The following NKTR variants were observed in gnomAD, a reference collection of about 807,000 sequenced individuals.
The protein encoded by NKTR is natural killer cell triggering receptor, also known as NK-tumor recognition protein.
NKTR carries 67 observed loss-of-function variants against 156.3 expected under a neutral mutation model. That is an observed-to-expected ratio of 0.43 (90% CI 0.35 to 0.53). NKTR has a LOEUF of 0.53. Ranked by LOEUF, NKTR falls within the 20% of genes least tolerant of loss-of-function variation. NKTR has a pLI of 0.01. For missense variants in NKTR, 1,604 were observed against 1,730.9 expected (o/e 0.93, Z 1.30); for synonymous variants, 640 against 596.6 (o/e 1.07, Z -1.06).
At chr3:42,601,282 C>A in intron 2 of NKTR, 3 of 408,602 alleles carry the variant, frequency 7.3e-6, no homozygotes, top group Non-Finnish European at 1.3e-5. Flanking sequence ...CCCCACACAC[C>A]CCGCTGCATC....
chr3:42,623,760 T>A (rs1335495367), intron 6 of NKTR: 2 of 152,158 alleles, frequency 1.3e-5, no homozygotes, highest in Non-Finnish European at 2.9e-5. Context: ...CTCCTGCCTT[T>A]TACCTTGTTA....
In NKTR at chr3:42,637,687, A is replaced by G; in HGVS notation, c.1983A>G (p.Ser661=). The G allele has an allele frequency of 6.2e-7, 1 of 1,614,046 alleles. No homozygotes were observed. The highest frequency in any genetic ancestry group is 8.5e-7 in the Non-Finnish European group (1 of 1,179,964). The part of the protein sequence containing the change: ...SLANIKETGS[S]SSYHKREKNS... ...CAAATATTAAAGAGACTGGTAGCTCATCATCCTACCATAAAAGAGAAAAAA... is the reference window on the plus strand; with the variant it reads ...CAAATATTAAAGAGACTGGTAGCTCGTCATCCTACCATAAAAGAGAAAAAA... The change falls in exon 13 of 17, where the codon TCA becomes TCG. Residue 661 remains serine, a synonymous_variant. Transcript: ENST00000232978.
chr3:42,619,411 C>A, intron 4 of NKTR: 1 of 1,271,178 alleles, frequency 7.9e-7, no homozygotes, highest in Non-Finnish European at 1.0e-6. Context: ...TGCTTTTGTT[C>A]TGGAATGTTT....
chr3:42,644,492 TTA>T (rs1710191746), intron 16 of NKTR, among the ~76,000 whole-genome samples: 1 of 152,232 alleles, frequency 6.6e-6, no homozygotes, highest in Non-Finnish European at 1.5e-5. Flanking sequence ...GCAAAAGTCT[TTA>T]TGTTAACTTT....
intron 13 of NKTR, among the ~76,000 whole-genome samples, 164 bp downstream of exon 13, chr3:42,639,914 G>A (rs778885638): frequency 2.0e-5 from 3 of 151,330 alleles, no homozygotes; most frequent in Non-Finnish European, 4.4e-5. Flanking sequence ...CTTAGGGAGA[G>A]GGAATTTCAG....
In NKTR at chr3:42,647,295, TGTGTGTGG is replaced by T. The variant is rs1190830657; in HGVS notation, c.*1321_*1328del. 22 of 112,598 alleles carry T rather than the reference TGTGTGTGG, an allele frequency of 2.0e-4. No individual in the cohort carries two copies. Among genetic ancestry groups the T allele is most frequent in the African/African-American group, 1.0e-3 (19 of 19,078 alleles). The allele number at this position is 112,598 out of a possible 1,614,324, so 7.0% of individuals were successfully genotyped here. A position where few individuals can be genotyped will look rare whatever the true frequency, so the allele number is the denominator to read the frequency against. ...GTGTGTGTGTGTGTGTGTGTGTGTGTGTGTGTGGTTTTTTTTTTTAATCTTTACTTTGA... is the reference window on the plus strand; with the variant it reads ...GTGTGTGTGTGTGTGTGTGTGTGTGTTTTTTTTTTTTAATCTTTACTTTGA... On this transcript the variant is annotated 3_prime_UTR_variant, in exon 17 of 17. Transcript: ENST00000232978.
chr3:42,620,240 GAA>G, intron 5 of NKTR: 3 of 1,265,050 alleles, frequency 2.4e-6, no homozygotes, highest in Non-Finnish European at 3.0e-6. Context: ...TCACATCAGA[GAA>G]AAGAGTCTAG....
At chr3:42,618,283 G>A (rs984817716) in intron 3 of NKTR, among the ~76,000 whole-genome samples, 1 of 150,772 alleles carries the variant, frequency 6.6e-6, no homozygotes, top group Non-Finnish European at 1.5e-5. Context: ...CCCGGGAGGC[G>A]GAGCTTGCAA....
chr3:42,630,716 A>G, intron 7 of NKTR, 141 bp downstream of exon 7: 1 of 1,461,048 alleles, frequency 6.8e-7, no homozygotes, highest in South Asian at 1.6e-5. Context: ...TTAGGATCAC[A>G]GAATATACTT....
intron 12 of NKTR, 93 bp downstream of exon 12, chr3:42,635,459 C>A: frequency 3.0e-6 from 3 of 990,248 alleles, no homozygotes; most frequent in South Asian, 1.9e-5. Flanking sequence ...ATTAAAGATT[C>A]AGTGAAAGAT....
chr3:42,603,649 T>C (rs1705849022), intron 2 of NKTR, among the ~76,000 whole-genome samples: 1 of 151,962 alleles, frequency 6.6e-6, no homozygotes, highest in Admixed American at 6.6e-5. Context: ...AATCATTTGA[T>C]AGTTGGAAAT....
chr3:42,643,515 C>T, intron 15 of NKTR, 120 bp downstream of exon 15: 1 of 811,388 alleles, frequency 1.2e-6, no homozygotes, highest in Admixed American at 2.3e-5. Context: ...TCTCCTGAAA[C>T]CATACCTTTT....
At chr3:42,618,886 T>A (rs1442632448) in intron 3 of NKTR, 134 bp from the exon 4 acceptor site, 1 of 690,298 alleles carries the variant, frequency 1.4e-6, no homozygotes, top group Non-Finnish European at 2.4e-6. Context: ...AATTATCATG[T>A]CATCTATTTC....
Position 42,621,525 on chromosome 3 carries a change from G to T in NKTR, c.374+9G>T, listed in dbSNP as rs199526836. ...GGTTCCCAGTTTTTCATGTGAGTAG[G>T]CATAATTCAGAGATGAGCTTTTCTT... On this transcript the variant is annotated intron_variant, in intron 6 of 16. Coordinates refer to ENST00000232978, the MANE Select transcript of NKTR (RefSeq NM_005385.4). 1,978 of 1,606,408 alleles carry T rather than the reference G, an allele frequency of 1.2e-3. 2 individuals carry two copies. Among genetic ancestry groups the T allele is most frequent in the Non-Finnish European group, 1.5e-3 (1,812 of 1,176,728 alleles).
At chr3:42,639,815 T>C (rs1709727271) in intron 13 of NKTR, 65 bp downstream of exon 13, 2 of 1,098,892 alleles carry the variant, frequency 1.8e-6, no homozygotes, top group Non-Finnish European at 2.7e-6. Flanking sequence ...CTTGGAAGAA[T>C]ATCAGAATTA....
intron 6 of NKTR, chr3:42,629,018 T>C (rs1708654277): frequency 1.2e-6 from 1 of 810,480 alleles, no homozygotes; most frequent in Non-Finnish European, 1.5e-6. Flanking sequence ...AACAAACAAA[T>C]AAAAATAAAA....
At chr3:42,634,386 T>C (rs1258296107) in intron 10 of NKTR, among the ~76,000 whole-genome samples, 1 of 152,250 alleles carries the variant, frequency 6.6e-6, no homozygotes, top group Admixed American at 6.5e-5. Context: ...AAGAGTTATT[T>C]TGAAAGCTGA....
intron 2 of NKTR, among the ~76,000 whole-genome samples, chr3:42,609,139 AAAG>A (rs35437470): frequency 2.6e-5 from 4 of 151,424 alleles, no homozygotes; most frequent in South Asian, 4.2e-4. Flanking sequence ...AAAAAAAAAA[AAAG>A]AAGAAAGATC....
chr3:42,632,415 A>G (rs1709003943), intron 8 of NKTR, among the ~76,000 whole-genome samples, 186 bp from the exon 9 acceptor site: 2 of 152,104 alleles, frequency 1.3e-5, no homozygotes. Context: ...CTTCATAAAG[A>G]CAAGGGACTT....
Sources: allele counts gnomAD v4.1 joint callset (sites outside exome capture counted in the v4.1 genomes callset), GRCh38; gene constraint gnomAD v4.1.1; transcripts MANE v1.5; gene names NCBI Gene and HGNC (gene_info 2026-07-23, HGNC 2026-07-21).